ROPN1L: variants seen among roughly 807,000 people sequenced by gnomAD.
ROPN1L encodes the protein ropporin-1-like protein.
Under a neutral mutation model 22.7 loss-of-function variants are expected in ROPN1L, and 23 were observed. The ratio of observed to expected loss-of-function variants is 1.01; its 90% CI spans 0.73 to 1.43. The LOEUF is 1.43. Among genes scored for constraint, ROPN1L ranks in the 40% most tolerant of loss-of-function variants. The probability of loss-of-function intolerance (pLI) is 0.00; values close to 1 mark genes in which losing one functional copy is unlikely to be tolerated. For missense variants in ROPN1L, 271 were observed against 291.5 expected (o/e 0.93, Z 0.51); for synonymous variants, 116 against 117.8 (o/e 0.98, Z 0.10).
chr5:10,459,424 A>C (rs1191137146), intron 3 of ROPN1L, among the ~76,000 whole-genome samples: 2 of 150,276 alleles, frequency 1.3e-5, no homozygotes, highest in African/African-American at 5.0e-5. Flanking sequence ...GACTCCTTAG[A>C]AACACTCTAC....
At chr5:10,471,910 G>A (rs1735252515) in exon 5 of ROPN1L, 2 of 152,328 alleles carry the variant, frequency 1.3e-5, no homozygotes, top group Admixed American at 1.3e-4. Context: ...AGCCAGGAGA[G>A]GCTAAAGGAA....
intron 3 of ROPN1L, 56 bp from the exon 4 acceptor site, chr5:10,461,128 T>C (rs770690850): frequency 1.1e-5 from 17 of 1,510,630 alleles, no homozygotes; most frequent in Non-Finnish European, 1.4e-5. Context: ...CTGCTTTCAA[T>C]GTGAGTGATG....
At chr5:10,445,791 T>C (rs1384190650) in intron 1 of ROPN1L, among the ~76,000 whole-genome samples, 1 of 152,144 alleles carries the variant, frequency 6.6e-6, no homozygotes, top group Non-Finnish European at 1.5e-5. Flanking sequence ...GCCATGGTGA[T>C]GCATGTCTGT....
intron 3 of ROPN1L, among the ~76,000 whole-genome samples, chr5:10,456,813 C>T (rs1394940764): frequency 2.0e-5 from 3 of 152,130 alleles, no homozygotes; most frequent in Admixed American, 6.5e-5. Context: ...AAGTGATGCT[C>T]GAGTGTTTTG....
At chr5:10,461,669 G>A in intron 4 of ROPN1L, 1 of 230,472 alleles carries the variant, frequency 4.3e-6, no homozygotes, top group Non-Finnish European at 8.4e-6. Flanking sequence ...CATTTCTGAT[G>A]CTAGTTGCAA....
chr5:10,466,047 GA>G (rs1428998252), downstream of ROPN1L, among the ~76,000 whole-genome samples: 6 of 152,146 alleles, frequency 3.9e-5, no homozygotes, highest in Admixed American at 2.6e-4. Flanking sequence ...ACAGCAGCGT[GA>G]TCCACTTGAA....
the ROPN1L span, among the ~76,000 whole-genome samples, chr5:10,480,456 C>T: frequency 6.6e-6 from 1 of 151,850 alleles, no homozygotes; most frequent in Non-Finnish European, 1.5e-5. Flanking sequence ...GGAGGCACAG[C>T]CTGGAGAATC....
At chr5:10,477,515 C>T in the ROPN1L span, among the ~76,000 whole-genome samples, 1 of 152,192 alleles carries the variant, frequency 6.6e-6, no homozygotes, top group South Asian at 2.1e-4. Flanking sequence ...TTGGGTCAGC[C>T]ATCAAGACTC....
chr5:10,451,928 A>AATCTATCTATCT (rs70947207), intron 3 of ROPN1L, among the ~76,000 whole-genome samples: 76,427 of 150,358 alleles, frequency 0.51, 20,096 homozygotes, highest in Middle Eastern at 0.58. Flanking sequence ...AACTCTGTGA[A>AATCTATCTATCT]ATCTATCTAT....
At chr5:10,477,001 G>A (rs561500912), downstream of ROPN1L, among the ~76,000 whole-genome samples, 3 of 152,342 alleles carry the variant, frequency 2.0e-5, no homozygotes, top group South Asian at 6.2e-4. Context: ...TTGCAGACAT[G>A]CAGTCTCTGC....
downstream of ROPN1L, among the ~76,000 whole-genome samples, chr5:10,474,108 C>T (rs1041202545): frequency 2.0e-5 from 3 of 150,282 alleles, no homozygotes; most frequent in African/African-American, 7.4e-5. Flanking sequence ...GCTGAGATTG[C>T]ACCACTGCAC....
intron 2 of ROPN1L, 106 bp downstream of exon 2, chr5:10,448,489 A>C: frequency 7.5e-7 from 1 of 1,334,874 alleles, no homozygotes; most frequent in East Asian, 2.4e-5. Flanking sequence ...ATGTATTTCA[A>C]ACCTCCTGAG....
At chr5:10,459,366 G>A in intron 3 of ROPN1L, among the ~76,000 whole-genome samples, 1 of 149,756 alleles carries the variant, frequency 6.7e-6, no homozygotes, top group South Asian at 2.1e-4. Context: ...CTCATCACTG[G>A]GTTCTTGCCT....
intron 1 of ROPN1L, among the ~76,000 whole-genome samples, chr5:10,443,311 T>C (rs1473462877): frequency 6.6e-6 from 1 of 151,620 alleles, no homozygotes; most frequent in East Asian, 1.9e-4. Flanking sequence ...ACCACAAAAC[T>C]TGACAGCTTA....
At chr5:10,446,056 G>A (rs1741054371) in intron 1 of ROPN1L, among the ~76,000 whole-genome samples, 1 of 152,228 alleles carries the variant, frequency 6.6e-6, no homozygotes, top group Non-Finnish European at 1.5e-5. Flanking sequence ...TAAGCCTGTG[G>A]ACTCCACTGT....
downstream of ROPN1L, among the ~76,000 whole-genome samples, chr5:10,469,308 C>T (rs1244597763): frequency 8.4e-6 from 1 of 119,228 alleles, no homozygotes; most frequent in African/African-American, 3.2e-5. Flanking sequence ...GACCTTTTCT[C>T]TACAAAAAAA....
chr5:10,444,635 C>T (rs941114974), intron 1 of ROPN1L, among the ~76,000 whole-genome samples: 1 of 151,726 alleles, frequency 6.6e-6, no homozygotes, highest in Non-Finnish European at 1.5e-5. Context: ...CATGGTGGCT[C>T]ACACCTGTAA....
intron 1 of ROPN1L, among the ~76,000 whole-genome samples, chr5:10,444,170 A>G (rs1740980809): frequency 1.3e-5 from 2 of 152,220 alleles, no homozygotes; most frequent in Non-Finnish European, 2.9e-5. Flanking sequence ...AGCTTAAATA[A>G]AAGGATTTAT....
At position 10,458,273 on chromosome 5, in the gene ROPN1L, C is replaced by T. The variant is rs1734890632; in HGVS notation, c.418-2911C>T. Reference sequence around the variant, plus strand: ...TTTTCTTCACTCACCAGCAGCCTCCCTCCTGGCTGCGCCTTTCAAGTCCCC... The same window carrying T: ...TTTTCTTCACTCACCAGCAGCCTCCTTCCTGGCTGCGCCTTTCAAGTCCCC... On this transcript the variant is annotated intron_variant, in intron 3 of 4. Coordinates refer to ENST00000274134, the MANE Select transcript of ROPN1L (RefSeq NM_031916.5). Among the ~76,000 whole-genome samples, 4 of 151,954 alleles carry T rather than the reference C, an allele frequency of 2.6e-5. No individual in the cohort carries two copies. The South Asian group carries it at 8.3e-4, about 31-fold the overall frequency.
Sources: gnomAD v4.1 joint callset for allele counts (sites outside exome capture counted in the v4.1 genomes callset) on GRCh38, gnomAD v4.1.1 for gene constraint, MANE v1.5 for transcripts, NCBI Gene and HGNC (gene_info 2026-07-23, HGNC 2026-07-21) for gene names.